The following ATL3 variants were observed in gnomAD, a reference collection of about 807,000 sequenced individuals.
The protein encoded by ATL3 is atlastin GTPase 3.
Under a neutral mutation model 69.5 loss-of-function variants are expected in ATL3, and 49 were observed. That is an observed-to-expected ratio of 0.71 (90% confidence interval 0.56 to 0.89). ATL3 has a LOEUF of 0.89. ATL3 is among the 40% of genes least tolerant of loss of function. The probability of loss-of-function intolerance (pLI) is 0.00; values close to 1 mark genes in which losing one functional copy is unlikely to be tolerated. For missense variants in ATL3, 606 were observed against 645.7 expected (o/e 0.94, Z 0.67); for synonymous variants, 214 against 224.1 (o/e 0.95, Z 0.40).
chr11:63,656,526 G>C (rs190427337), intron 3 of ATL3, among the ~76,000 whole-genome samples: 2 of 151,858 alleles, frequency 1.3e-5, no homozygotes, highest in East Asian at 2.0e-4. Context: ...CTGAGGTCAG[G>C]AGTGCAAGAC....
upstream of ATL3, chr11:63,671,815 T>C (rs1026970561): frequency 8.2e-5 from 85 of 1,038,382 alleles, no homozygotes; most frequent in Admixed American, 1.6e-3. Flanking sequence ...GCTCGGGTCC[T>C]CCTGCGAGCT....
At position 63,629,094 on chromosome 11, in the gene ATL3, C is replaced by T. The variant is rs1939216755; in HGVS notation, c.*225G>A. The T allele has an allele frequency of 1.9e-6, 1 of 532,928 alleles. No individual in the cohort carries two copies. The highest frequency in any genetic ancestry group is 3.4e-6 in the Non-Finnish European group (1 of 297,580). 33.0% of individuals were successfully genotyped at this position (532,928 alleles called of 1,614,324 possible). On this transcript the variant is annotated 3_prime_UTR_variant, in exon 13 of 13. Transcript: ENST00000398868. Reference sequence around the variant, plus strand: ...TAATATGAAAATAGACACAGGCTTGCATCTATAACAGCAAGGAAAAGAAAT... The same window carrying T: ...TAATATGAAAATAGACACAGGCTTGTATCTATAACAGCAAGGAAAAGAAAT...
chr11:63,637,357 A>G (rs1246938662), intron 8 of ATL3, among the ~76,000 whole-genome samples: 2 of 152,074 alleles, frequency 1.3e-5, no homozygotes, highest in Admixed American at 6.5e-5. Context: ...GGCCTTTGCC[A>G]TGCCCTCACA....
At chr11:63,646,397 A>G in intron 6 of ATL3, 110 bp downstream of exon 6, 1 of 605,616 alleles carries the variant, frequency 1.7e-6, no homozygotes, top group South Asian at 2.0e-5. Flanking sequence ...CTTAGCTCAC[A>G]AGTCATATAA....
chr11:63,638,087 A>T (rs1424681312), intron 8 of ATL3, among the ~76,000 whole-genome samples: 1 of 152,222 alleles, frequency 6.6e-6, no homozygotes, highest in Non-Finnish European at 1.5e-5. Flanking sequence ...ACCTCACACA[A>T]GTAGCAGCAG....
Position 63,631,375 on chromosome 11 carries a change from T to C in ATL3, c.1204A>G (p.Lys402Glu). The change falls in exon 12 of 13, where the codon AAG (lysine) becomes GAG (glutamate). Residue 402 changes from lysine (K) to glutamate (E), a missense_variant. By Grantham distance (56) the Lys-to-Glu change is moderately conservative (BLOSUM62 1). Transcript: ENST00000398868. ...CTGAAATCCTTCCCACCCATCTTCT[T>C]GGTCTTCTTAAAATGGTCCAGAGCA... ...QLALDHFKKT[K>E]KMGGKDFSFR... 1 of 1,614,228 alleles carries C rather than the reference T, an allele frequency of 6.2e-7. No homozygotes were observed. Among genetic ancestry groups the C allele is most frequent in the Non-Finnish European group, 8.5e-7 (1 of 1,180,042 alleles).
At chr11:63,655,930 C>G (rs761504819) in intron 3 of ATL3, among the ~76,000 whole-genome samples, 7 of 152,156 alleles carry the variant, frequency 4.6e-5, no homozygotes, top group Non-Finnish European at 8.8e-5. Flanking sequence ...ATACAAATAA[C>G]ATGAACTACA....
chr11:63,671,151 G>C (rs1940760068), intron 1 of ATL3, 139 bp downstream of exon 1: 1 of 1,389,474 alleles, frequency 7.2e-7, no homozygotes, highest in South Asian at 1.5e-5. Context: ...CGGAAACCGA[G>C]TGACCCCGGC....
At chr11:63,667,003 C>T (rs1237454165) in intron 1 of ATL3, among the ~76,000 whole-genome samples, 3 of 152,152 alleles carry the variant, frequency 2.0e-5, no homozygotes, top group Non-Finnish European at 4.4e-5. Flanking sequence ...ATAAACAATT[C>T]GTAAGTCTTA....
Position 63,631,281 on chromosome 11 carries a change from C to A in ATL3, c.1298G>T (p.Gly433Val). The change falls in exon 12 of 13, where the codon GGT becomes GTT. Residue 433 changes from glycine to valine, a missense_variant. Physicochemically the swap from Gly to Val is moderately radical, Grantham distance 109. Coordinates refer to ENST00000398868, the MANE Select transcript of ATL3 (RefSeq NM_015459.5). ...ELYENFCKHNGSKNVFSTFRT... is the reference protein window; with the variant it reads ...ELYENFCKHNVSKNVFSTFRT... ...GAAGGTGCTGAAGACGTTCTTGCTA[C>A]CATTGTGCTTGCAGAAGTTCTCATA... The A allele has an allele frequency of 6.2e-7, 1 of 1,614,212 alleles. No individual in the cohort carries two copies. The highest frequency in any genetic ancestry group is 1.1e-5 in the South Asian group (1 of 91,086).
intron 8 of ATL3, among the ~76,000 whole-genome samples, chr11:63,638,932 T>G (rs1939606744): frequency 6.6e-6 from 1 of 152,218 alleles, no homozygotes; most frequent in African/African-American, 2.4e-5. Context: ...AATGTAGTTC[T>G]TATGAAATTT....
chr11:63,628,888 G>GAAATGTC lies in ATL3; in HGVS notation c.*424_*430dup, dbSNP rs1939210848. The stretch of plus-strand genomic sequence containing the variant: ...CTTCTCAAAAGAGTAAAGTATAAAA[G>GAAATGTC]AAATGTCAAGTTTCACCCGAAAACG... On this transcript the variant is annotated 3_prime_UTR_variant, in exon 13 of 13. Transcript: ENST00000398868. 1 of 127,494 alleles carries GAAATGTC rather than the reference G, an allele frequency of 7.8e-6. No individual in the cohort carries two copies. The highest frequency in any genetic ancestry group is 2.5e-4 in the South Asian group (1 of 3,962). 7.9% of individuals were successfully genotyped at this position (127,494 alleles called of 1,614,324 possible). A position where few individuals can be genotyped will look rare whatever the true frequency, so the allele number is the denominator to read the frequency against.
At chr11:63,636,107 A>C (rs1377853033) in intron 9 of ATL3, 100 bp downstream of exon 9, 1 of 1,495,498 alleles carries the variant, frequency 6.7e-7, no homozygotes, top group Non-Finnish European at 9.0e-7. Context: ...TCTCCCCCAG[A>C]AAATTTTTAA....
intron 1 of ATL3, among the ~76,000 whole-genome samples, chr11:63,664,294 C>G (rs577849975): frequency 1.3e-4 from 20 of 152,180 alleles, no homozygotes; most frequent in Non-Finnish European, 2.8e-4. Flanking sequence ...ATCCCAGCAC[C>G]TTGGGAGGCC....
intron 1 of ATL3, among the ~76,000 whole-genome samples, chr11:63,668,125 G>A (rs770602877): frequency 3.3e-5 from 5 of 152,202 alleles, no homozygotes; most frequent in Non-Finnish European, 5.9e-5. Flanking sequence ...ATTCATGTAT[G>A]ACTCAGGGTA....
At chr11:63,636,692 T>C (rs904585857) in intron 8 of ATL3, among the ~76,000 whole-genome samples, 29 of 150,362 alleles carry the variant, frequency 1.9e-4, no homozygotes, top group African/African-American at 6.9e-4. Flanking sequence ...TGAGCCAAGA[T>C]TGCACCATTG....
In ATL3 at chr11:63,652,587, G is replaced by A; in HGVS notation, c.406-12C>T. The A allele has an allele frequency of 1.9e-6, 3 of 1,583,666 alleles. No homozygotes were observed. The highest frequency in any genetic ancestry group is 2.6e-6 in the Non-Finnish European group (3 of 1,158,878). ...AGAACAACTGCAACCTAAAAAAAAGGAAAATACAAACAAAAGAGATTAAAC... is the reference window on the plus strand; with the variant it reads ...AGAACAACTGCAACCTAAAAAAAAGAAAAATACAAACAAAAGAGATTAAAC... On this transcript the variant is annotated splice_polypyrimidine_tract_variant and intron_variant, in intron 3 of 12. Coordinates refer to ENST00000398868, the MANE Select transcript of ATL3 (RefSeq NM_015459.5).
chr11:63,650,228 C>T (rs562648183), intron 5 of ATL3, among the ~76,000 whole-genome samples: 2 of 152,214 alleles, frequency 1.3e-5, no homozygotes, highest in South Asian at 4.1e-4. Context: ...AATAAATACA[C>T]GTTGGCTATT....
chr11:63,629,277 T>C lies in ATL3; in HGVS notation c.*42A>G, dbSNP rs749641487. On this transcript the variant is annotated 3_prime_UTR_variant, in exon 13 of 13. Transcript: ENST00000398868. ...GCCGTGGCAGAAACCCAGAAATCAG[T>C]AGGGGCTTGTTGTGTTCTTGTTTGA... 8 of 1,534,912 alleles carry C rather than the reference T, an allele frequency of 5.2e-6. No homozygotes were observed. Among genetic ancestry groups the C allele is most frequent in the South Asian group, 1.1e-5 (1 of 89,348 alleles).
Sources: allele counts gnomAD v4.1 joint callset (sites outside exome capture counted in the v4.1 genomes callset), GRCh38; gene constraint gnomAD v4.1.1; transcripts MANE v1.5; gene names NCBI Gene and HGNC (gene_info 2026-07-23, HGNC 2026-07-21).